ANKRD44: variants seen among roughly 807,000 people sequenced by gnomAD.
ANKRD44 encodes ankyrin repeat domain 44, also known as serine/threonine-protein phosphatase 6 regulatory ankyrin repeat subunit B.
ANKRD44 carries 35 observed loss-of-function variants against 116.0 expected under a neutral mutation model. The observed-to-expected ratio is 0.30, with a 90% CI of 0.23 to 0.40. The LOEUF (loss-of-function observed/expected upper bound fraction) is 0.40, where lower values mean the gene tolerates loss of function less well. Among genes scored for constraint, ANKRD44 ranks in the 10% least tolerant of loss-of-function variants. The pLI is 1.00. For missense variants in ANKRD44, 1,014 were observed against 1,242.6 expected (o/e 0.82, Z 2.77); for synonymous variants, 435 against 461.8 (o/e 0.94, Z 0.74).
intron 22 of ANKRD44, among the ~76,000 whole-genome samples, chr2:197,001,202 C>T (rs2076108649): frequency 6.6e-6 from 1 of 152,196 alleles, no homozygotes; most frequent in Non-Finnish European, 1.5e-5. Flanking sequence ...CTTGGGCCCC[C>T]AGGCTAACTA....
chr2:197,123,557 GGAGGCA>G, intron 6 of ANKRD44, among the ~76,000 whole-genome samples: 1 of 152,172 alleles, frequency 6.6e-6, no homozygotes, highest in Non-Finnish European at 1.5e-5. Flanking sequence ...CTTGAACCTG[GGAGGCA>G]GAGGCTGCAG....
intron 4 of ANKRD44, 145 bp from the exon 5 acceptor site, chr2:197,126,182 T>A (rs575341154): frequency 7.1e-6 from 5 of 705,448 alleles, no homozygotes; most frequent in Middle Eastern, 2.7e-4. Context: ...CAGGTAATAT[T>A]TGGTAAAGAT....
chr2:197,142,503 A>T (rs1004839503), intron 3 of ANKRD44, among the ~76,000 whole-genome samples: 4 of 152,192 alleles, frequency 2.6e-5, no homozygotes, highest in African/African-American at 7.2e-5. Flanking sequence ...ATTACCATAG[A>T]AGAGGGTATG....
intron 16 of ANKRD44, among the ~76,000 whole-genome samples, chr2:197,072,321 G>A (rs986133691): frequency 6.7e-6 from 1 of 149,422 alleles, no homozygotes; most frequent in African/African-American, 2.6e-5. Context: ...ACAGAGAAAT[G>A]TGTGCACATA....
At chr2:197,137,538 G>A (rs749267308) in intron 3 of ANKRD44, among the ~76,000 whole-genome samples, 6 of 152,190 alleles carry the variant, frequency 3.9e-5, no homozygotes, top group Non-Finnish European at 8.8e-5. Flanking sequence ...ACTTCCATGC[G>A]TAAACGTGAA....
intron 1 of ANKRD44, among the ~76,000 whole-genome samples, chr2:197,308,985 T>C (rs973502499): frequency 2.0e-5 from 3 of 152,242 alleles, no homozygotes; most frequent in African/African-American, 7.2e-5. Flanking sequence ...AGATCTGTTT[T>C]GTCATTTAGA....
chr2:196,973,855 A>G (rs1204376707), intron 21 of ANKRD44, among the ~76,000 whole-genome samples: 2 of 152,170 alleles, frequency 1.3e-5, no homozygotes, highest in Non-Finnish European at 2.9e-5. Context: ...ACTGAGTTTC[A>G]TGACGTTAAA....
intron 2 of ANKRD44, among the ~76,000 whole-genome samples, chr2:197,166,712 A>G (rs1419581344): frequency 6.6e-6 from 1 of 152,132 alleles, no homozygotes; most frequent in African/African-American, 2.4e-5. Flanking sequence ...AGGCACGGAG[A>G]GATTAATTAC....
chr2:197,173,729 T>A (rs2080295646), intron 2 of ANKRD44, among the ~76,000 whole-genome samples: 1 of 152,090 alleles, frequency 6.6e-6, no homozygotes, highest in African/African-American at 2.4e-5. Context: ...GTAAAATTCA[T>A]TCCCTAAAAA....
intron 23 of ANKRD44, among the ~76,000 whole-genome samples, chr2:196,999,547 G>A (rs1185047014): frequency 6.6e-6 from 1 of 150,494 alleles, no homozygotes; most frequent in Admixed American, 6.6e-5. Flanking sequence ...GATACACTTG[G>A]TCATGTGTAC....
chr2:197,040,591 G>A (rs1056596685), intron 16 of ANKRD44, among the ~76,000 whole-genome samples: 5 of 152,092 alleles, frequency 3.3e-5, no homozygotes, highest in Non-Finnish European at 7.4e-5. Context: ...TGGCCAAGCT[G>A]GTCTCGAACT....
chr2:197,210,316 A>G (rs967268578), intron 1 of ANKRD44, among the ~76,000 whole-genome samples: 1 of 152,222 alleles, frequency 6.6e-6, no homozygotes, highest in Admixed American at 6.5e-5. Context: ...CTTTTCATAC[A>G]TTATATTGCT....
intron 9 of ANKRD44, among the ~76,000 whole-genome samples, chr2:197,110,150 T>G (rs2078531438): frequency 6.6e-6 from 1 of 152,162 alleles, no homozygotes; most frequent in Non-Finnish European, 1.5e-5. Context: ...CTAATTTTTG[T>G]ATTTTTAGTA....
chr2:197,304,910 C>T (rs185406757), intron 1 of ANKRD44, among the ~76,000 whole-genome samples: 17 of 152,300 alleles, frequency 1.1e-4, no homozygotes, highest in Non-Finnish European at 2.4e-4. Flanking sequence ...CACTGTAGAC[C>T]TGACTCAAAA....
At chr2:197,174,399 G>T (rs1267768992) in intron 2 of ANKRD44, among the ~76,000 whole-genome samples, 2 of 152,170 alleles carry the variant, frequency 1.3e-5, no homozygotes, top group Non-Finnish European at 2.9e-5. Flanking sequence ...TGAAGTAAAT[G>T]CTCATGTATC....
At chr2:197,146,925 T>C (rs1196014691) in intron 3 of ANKRD44, 102 bp downstream of exon 3, 1 of 939,372 alleles carries the variant, frequency 1.1e-6, no homozygotes, top group African/African-American at 1.7e-5. Flanking sequence ...TCCATGAACA[T>C]AACAAAGGAA....
chr2:197,151,784 T>C (rs879479565), intron 2 of ANKRD44, among the ~76,000 whole-genome samples: 2 of 152,304 alleles, frequency 1.3e-5, no homozygotes, highest in Admixed American at 1.3e-4. Context: ...TGTAGGATAT[T>C]AGAATAAAAA....
At chr2:197,087,396 T>C (rs1057105158) in intron 12 of ANKRD44, among the ~76,000 whole-genome samples, 14 of 152,248 alleles carry the variant, frequency 9.2e-5, no homozygotes, top group African/African-American at 3.1e-4. Context: ...AAGTGATTTT[T>C]CCTATTAAAG....
intron 1 of ANKRD44, among the ~76,000 whole-genome samples, chr2:197,270,666 G>C (rs1559204756): frequency 6.6e-6 from 1 of 152,206 alleles, no homozygotes; most frequent in Admixed American, 6.5e-5. Flanking sequence ...TTTCCCAAGG[G>C]CCTCCAGTCT....
Sources: allele counts gnomAD v4.1 joint callset (sites outside exome capture counted in the v4.1 genomes callset), GRCh38; gene constraint gnomAD v4.1.1; transcripts MANE v1.5; gene names NCBI Gene and HGNC (gene_info 2026-07-23, HGNC 2026-07-21).